PDE1A: variants seen among roughly 807,000 people sequenced by gnomAD.
PDE1A encodes the protein dual specificity calcium/calmodulin-dependent 3',5'-cyclic nucleotide phosphodiesterase 1A.
PDE1A carries 35 observed loss-of-function variants against 61.7 expected under a neutral mutation model. That is an observed-to-expected ratio of 0.57 (90% CI 0.43 to 0.75). PDE1A has a LOEUF of 0.75. Ranked by LOEUF, PDE1A falls within the 30% of genes least tolerant of loss-of-function variation. PDE1A has a pLI of 0.00. For missense variants in PDE1A, 597 were observed against 630.6 expected (o/e 0.95, Z 0.57); for synonymous variants, 232 against 213.2 (o/e 1.09, Z -0.77).
the PDE1A span, among the ~76,000 whole-genome samples, chr2:182,579,723 C>T: frequency 6.7e-6 from 1 of 149,894 alleles, no homozygotes; most frequent in African/African-American, 2.4e-5. Context: ...CATGGTATGC[C>T]CAAAAAAAAA....
chr2:182,702,102 T>C, the PDE1A span, among the ~76,000 whole-genome samples: 6 of 152,158 alleles, frequency 3.9e-5, no homozygotes, highest in Non-Finnish European at 8.8e-5. Flanking sequence ...ATATTACTTA[T>C]TTATTGATTG....
At chr2:182,243,032 A>G (rs1411396338) in intron 2 of PDE1A, among the ~76,000 whole-genome samples, 1 of 152,062 alleles carries the variant, frequency 6.6e-6, no homozygotes, top group African/African-American at 2.4e-5. Context: ...TAGGTTATAA[A>G]TAAAATAGAA....
At chr2:182,626,750 T>TATATATATAC in the PDE1A span, among the ~76,000 whole-genome samples, 2 of 20,790 alleles carry the variant, frequency 9.6e-5, 1 homozygote, top group Non-Finnish European at 1.9e-4. Flanking sequence ...TATATATACA[T>TATATATATAC]ATATATATAT....
chr2:182,682,731 T>A, the PDE1A span, among the ~76,000 whole-genome samples: 1 of 152,256 alleles, frequency 6.6e-6, no homozygotes, highest in Non-Finnish European at 1.5e-5. Context: ...TTCTTTTTCA[T>A]GCACTGCTTA....
chr2:182,661,851 T>C, the PDE1A span, among the ~76,000 whole-genome samples: 1 of 152,120 alleles, frequency 6.6e-6, no homozygotes, highest in East Asian at 1.9e-4. Context: ...AAAGGATATG[T>C]GAGACATTGT....
intron 13 of PDE1A, among the ~76,000 whole-genome samples, chr2:182,169,300 C>T (rs1304503022): frequency 6.6e-6 from 1 of 151,774 alleles, no homozygotes; most frequent in African/African-American, 2.4e-5. Flanking sequence ...TTGAAAAAAA[C>T]ATACTGAAAC....
chr2:182,352,100 A>G (rs1171723876), intron 1 of PDE1A, among the ~76,000 whole-genome samples: 1 of 152,274 alleles, frequency 6.6e-6, no homozygotes, highest in Non-Finnish European at 1.5e-5. Context: ...TGGAACCACA[A>G]CCACTTTTTA....
chr2:182,172,867 C>T (rs185954062), intron 13 of PDE1A, among the ~76,000 whole-genome samples: 7 of 152,054 alleles, frequency 4.6e-5, no homozygotes, highest in African/African-American at 1.4e-4. Context: ...AGCTAGACTT[C>T]GAGTTGTGTG....
intron 4 of PDE1A, 146 bp downstream of exon 4, chr2:182,234,285 AT>A (rs1689826861): frequency 1.7e-6 from 1 of 582,318 alleles, no homozygotes; most frequent in African/African-American, 1.9e-5. Flanking sequence ...AACACAGTTC[AT>A]TTTTTAAATT....
exon 13 of PDE1A, chr2:182,186,039 T>G (rs779439733): frequency 6.2e-7 from 1 of 1,614,046 alleles, no homozygotes; most frequent in Admixed American, 1.7e-5. Flanking sequence ...TTTGATCGTC[T>G]TAGTGCATCA....
chr2:182,694,580 A>G, the PDE1A span, among the ~76,000 whole-genome samples: 71 of 152,358 alleles, frequency 4.7e-4, no homozygotes, highest in African/African-American at 1.5e-3. Context: ...CTCTTCTGAC[A>G]GGGGGAAGGG....
At chr2:182,162,356 A>G (rs1415801616) in intron 13 of PDE1A, among the ~76,000 whole-genome samples, 1 of 152,050 alleles carries the variant, frequency 6.6e-6, no homozygotes, top group Admixed American at 6.6e-5. Context: ...GACCTCCAGC[A>G]CTGGCTAATT....
intron 11 of PDE1A, among the ~76,000 whole-genome samples, chr2:182,187,737 C>CTTTTTTTTTTGTT (rs1685336430): frequency 1.5e-5 from 1 of 66,382 alleles, no homozygotes; most frequent in East Asian, 5.5e-4. Flanking sequence ...TTTTTTTGTT[C>CTTTTTTTTTTGTT]TTTTTTTTTT....
the PDE1A span, among the ~76,000 whole-genome samples, chr2:182,599,522 G>A: frequency 1.3e-5 from 2 of 152,290 alleles, no homozygotes; most frequent in East Asian, 3.9e-4. Context: ...TCTCAATGGA[G>A]TGCCAGAGAA....
intron 2 of PDE1A, among the ~76,000 whole-genome samples, chr2:182,508,737 T>A (rs894298148): frequency 3.4e-4 from 51 of 148,478 alleles, no homozygotes; most frequent in African/African-American, 1.1e-3. Flanking sequence ...TCTTTTTTTT[T>A]TTATTTTTTT....
rs190506525 is a variant in PDE1A, at chr2:182,342,638, G to A, written c.54-78224C>T. 6.5e-3 allele frequency among the ~76,000 whole-genome samples: 994 copies of A among 152,242 alleles called. 12 individuals are homozygous for A. The highest frequency in any genetic ancestry group is 0.022 in the African/African-American group (915 of 41,548). ...GTGGAGGTTGCAGTGAGCTGAGATCGCGCCACTGCACTCCAGCCTGGGCAA... is the reference window on the plus strand; with the variant it reads ...GTGGAGGTTGCAGTGAGCTGAGATCACGCCACTGCACTCCAGCCTGGGCAA... On this transcript the variant is annotated intron_variant, in intron 1 of 13. Coordinates refer to ENST00000351439, the Ensembl canonical transcript of PDE1A.
At position 182,329,618 on chromosome 2, in the gene PDE1A, T is replaced by A. The variant is rs994074793; in HGVS notation, c.54-65204A>T. On this transcript the variant is annotated intron_variant, in intron 1 of 13. Coordinates refer to ENST00000351439, the Ensembl canonical transcript of PDE1A. ...GTTGATCAGGCTGGTCTTGAACTCT[T>A]GACATCAGGTGATCCACTGGCCTCA... is the stretch of plus-strand genomic sequence containing the variant. Among the ~76,000 whole-genome samples the A allele has an allele frequency of 1.1e-4, 17 of 152,216 alleles. 1 individual carries two copies. The highest frequency in any genetic ancestry group is 3.6e-4 in the African/African-American group (15 of 41,526).
chr2:182,248,459 G>A (rs564657577), intron 2 of PDE1A, among the ~76,000 whole-genome samples: 1 of 152,000 alleles, frequency 6.6e-6, no homozygotes, highest in Non-Finnish European at 1.5e-5. Context: ...GATGGCAGCC[G>A]GTGAACTGTG....
the PDE1A span, among the ~76,000 whole-genome samples, chr2:182,555,656 G>A: frequency 6.6e-6 from 1 of 152,032 alleles, no homozygotes; most frequent in African/African-American, 2.4e-5. Context: ...AATTTTTTAA[G>A]ATAATATTCT....
Sources: gnomAD v4.1 joint callset for allele counts (sites outside exome capture counted in the v4.1 genomes callset) on GRCh38, gnomAD v4.1.1 for gene constraint, MANE v1.5 for transcripts, NCBI Gene and HGNC (gene_info 2026-07-23, HGNC 2026-07-21) for gene names.